Variants in XPO6 observed in about 807,000 individuals in gnomAD.
XPO6 encodes exportin-6.
Under a neutral mutation model 130.0 loss-of-function variants are expected in XPO6, and 3 were observed. The ratio of observed to expected loss-of-function variants is 0.02; its 90% CI spans 0.01 to 0.06. The LOEUF (loss-of-function observed/expected upper bound fraction) is 0.06, where lower values mean the gene tolerates loss of function less well. Among genes scored for constraint, XPO6 ranks in the 10% least tolerant of loss-of-function variants. The probability of loss-of-function intolerance (pLI) is 1.00; values close to 1 mark genes in which losing one functional copy is unlikely to be tolerated. For synonymous variants in XPO6, 524 were observed against 548.9 expected (o/e 0.95, Z 0.63); for missense variants, 970 against 1,393.0 (o/e 0.70, Z 4.83).
intron 1 of XPO6, among the ~76,000 whole-genome samples, chr16:28,210,794 G>A (rs2049136850): frequency 6.6e-6 from 1 of 152,210 alleles, no homozygotes; most frequent in African/African-American, 2.4e-5. Context: ...ACCTGTGCAA[G>A]TGACCTCTGT....
chr16:28,200,105 A>G (rs2043932083), intron 1 of XPO6, among the ~76,000 whole-genome samples: 1 of 151,998 alleles, frequency 6.6e-6, no homozygotes, highest in African/African-American at 2.4e-5. Flanking sequence ...CAGTGAGCCA[A>G]GATCACGCCA....
intron 1 of XPO6, among the ~76,000 whole-genome samples, chr16:28,205,059 G>A (rs1032730072): frequency 6.6e-6 from 1 of 151,948 alleles, no homozygotes; most frequent in Non-Finnish European, 1.5e-5. Flanking sequence ...GAGATCCTAT[G>A]TCTAAAATTA....
chr16:28,133,824 C>T lies in XPO6; in HGVS notation c.1536+17G>A, dbSNP rs372743405. The T allele has an allele frequency of 6.8e-6, 11 of 1,613,596 alleles. No homozygotes were observed. The African/African-American group carries it at 1.1e-4, about 16-fold the overall frequency. On this transcript the variant is annotated intron_variant, in intron 11 of 23. Coordinates refer to ENST00000304658, the MANE Select transcript of XPO6 (RefSeq NM_015171.4). ...GAGAAATCGCTACACTCTCCACTCC[C>T]CCGGACAGCACATTACCAGTGTGGA...
intron 1 of XPO6, among the ~76,000 whole-genome samples, chr16:28,187,548 T>G (rs1037646199): frequency 2.0e-5 from 3 of 151,814 alleles, no homozygotes; most frequent in Admixed American, 2.0e-4. Context: ...TGGGTCATTC[T>G]GAGAATTAAA....
rs186580366 is a variant in XPO6 at position 28,155,662 on chromosome 16, A to G, written c.1097+412T>C. ...ACTTGGGAAAAGTCAAATAGTAAAA[A>G]CTGACACCAAGTGACAAAAGGCGAT... On this transcript the variant is annotated intron_variant, in intron 7 of 23. Coordinates refer to ENST00000304658, the MANE Select transcript of XPO6 (RefSeq NM_015171.4). The G allele has an allele frequency of 2.9e-3, 482 of 168,770 alleles. 5 individuals are homozygous for G. Among genetic ancestry groups the G allele is most frequent in the African/African-American group, 0.011 (467 of 41,884 alleles). 10.5% of individuals were successfully genotyped at this position (168,770 alleles called of 1,614,324 possible). A position where few individuals can be genotyped will look rare whatever the true frequency, so the allele number is the denominator to read the frequency against.
intron 17 of XPO6, among the ~76,000 whole-genome samples, chr16:28,109,508 A>C (rs1185974603): frequency 6.6e-6 from 1 of 152,118 alleles, no homozygotes; most frequent in Non-Finnish European, 1.5e-5. Flanking sequence ...AGCATCACCA[A>C]GGATGGGACA....
chr16:28,141,039 G>C (rs1239097271), intron 9 of XPO6, among the ~76,000 whole-genome samples: 1 of 152,222 alleles, frequency 6.6e-6, no homozygotes, highest in East Asian at 1.9e-4. Flanking sequence ...GAACTAGAAA[G>C]CTGCTAGAGC....
chr16:28,151,406 G>A (rs1433083321), intron 8 of XPO6, among the ~76,000 whole-genome samples: 1 of 152,126 alleles, frequency 6.6e-6, no homozygotes, highest in East Asian at 1.9e-4. Flanking sequence ...ACACATGACT[G>A]CCACACACAA....
chr16:28,143,513 A>C (rs1224365640), intron 9 of XPO6, among the ~76,000 whole-genome samples: 3 of 152,268 alleles, frequency 2.0e-5, no homozygotes, highest in African/African-American at 7.2e-5. Flanking sequence ...AAGCAAAAAA[A>C]GAATTTAAAT....
chr16:28,190,295 C>G (rs1241042699), intron 1 of XPO6, among the ~76,000 whole-genome samples: 2 of 151,706 alleles, frequency 1.3e-5, no homozygotes, highest in Non-Finnish European at 2.9e-5. Context: ...TCTCAGCTCA[C>G]TGCAACCTCC....
Position 28,106,013 on chromosome 16 carries a change from T to TG in XPO6, c.2784+29dup. ...CCCTTCCCAATCTGGAGATGGGGGG[T>TG]GCTGCACAGGGGACCGTCTGAGCCC... On this transcript the variant is annotated intron_variant, in intron 20 of 23. Transcript: ENST00000304658. This position sits in a 1 kb window ranked among gnomAD's most constrained non-coding sequence, Gnocchi z 4.2. The TG allele has an allele frequency of 6.3e-7, 1 of 1,598,552 alleles. No individual in the cohort carries two copies. The highest frequency in any genetic ancestry group is 8.6e-7 in the Non-Finnish European group (1 of 1,168,374).
chr16:28,180,815 C>T (rs958944648), intron 2 of XPO6, 126 bp downstream of exon 2: 2 of 681,508 alleles, frequency 2.9e-6, no homozygotes, highest in Non-Finnish European at 4.6e-6. Flanking sequence ...AGAACCAGAG[C>T]GAAAAGAGCA....
rs572453240 is a variant in XPO6 at position 28,208,233 on chromosome 16, G to A, written c.3+3133C>T. 6.6e-5 allele frequency among the ~76,000 whole-genome samples: 10 copies of A among 152,318 alleles called. No individual in the cohort carries two copies. The East Asian group carries it at 1.7e-3, about 26-fold the overall frequency. On this transcript the variant is annotated intron_variant, in intron 1 of 23. Transcript: ENST00000304658. ...TAAGTGGTAGTTTTTATCACATTACGCCACTTTCAAGTCTTATTAGAGTTG... is the reference window on the plus strand; with the variant it reads ...TAAGTGGTAGTTTTTATCACATTACACCACTTTCAAGTCTTATTAGAGTTG...
chr16:28,109,995 G>A (rs1355347644), intron 17 of XPO6, among the ~76,000 whole-genome samples: 2 of 152,180 alleles, frequency 1.3e-5, no homozygotes, highest in Non-Finnish European at 2.9e-5. Flanking sequence ...CTGGGTGAGA[G>A]AGATGCAGTT....
intron 14 of XPO6, 32 bp from the exon 15 acceptor site, chr16:28,117,494 G>C: frequency 6.2e-7 from 1 of 1,605,736 alleles, no homozygotes; most frequent in Non-Finnish European, 8.5e-7. Context: ...TGATTTTAAA[G>C]GTTAAGGTGA....
chr16:28,204,264 T>TA (rs554070925), intron 1 of XPO6, among the ~76,000 whole-genome samples: 73 of 152,102 alleles, frequency 4.8e-4, no homozygotes, highest in African/African-American at 1.6e-3. Context: ...TATAAAATGT[T>TA]AAAAAATTGT....
intron 7 of XPO6, chr16:28,153,031 T>C (rs910541324): frequency 9.0e-7 from 1 of 1,116,444 alleles, no homozygotes; most frequent in African/African-American, 1.7e-5. Flanking sequence ...TATAATCTAG[T>C]GCGCTCACAT....
intron 1 of XPO6, among the ~76,000 whole-genome samples, chr16:28,209,569 G>A (rs2044092285): frequency 1.3e-5 from 2 of 150,520 alleles, no homozygotes; most frequent in Non-Finnish European, 1.5e-5. Context: ...GAACCCGGGA[G>A]GCAGAAGTTG....
At chr16:28,170,245 T>G (rs1205606069) in intron 4 of XPO6, among the ~76,000 whole-genome samples, 2 of 150,336 alleles carry the variant, frequency 1.3e-5, no homozygotes, top group East Asian at 3.9e-4. Flanking sequence ...GGCAGGAGAA[T>G]CGTTTGAACC....
Sources: allele counts gnomAD v4.1 joint callset (sites outside exome capture counted in the v4.1 genomes callset), GRCh38; gene constraint gnomAD v4.1.1; non-coding constraint Gnocchi (gnomAD v3.1); transcripts MANE v1.5; gene names NCBI Gene and HGNC (gene_info 2026-07-23, HGNC 2026-07-21).